MB: variants seen among roughly 807,000 people sequenced by gnomAD.
MB encodes the protein nitrite reductase MB.
MB carries 10 observed loss-of-function variants against 14.5 expected under a neutral mutation model. That is an observed-to-expected ratio of 0.69 (90% CI 0.43 to 1.17). The LOEUF (loss-of-function observed/expected upper bound fraction) is 1.17. MB is among the 50% of genes most tolerant of loss of function. The probability of loss-of-function intolerance (pLI) is 0.00; values close to 1 mark genes in which losing one functional copy is unlikely to be tolerated. For missense variants in MB, 169 were observed against 192.7 expected (o/e 0.88, Z 0.73); for synonymous variants, 89 against 78.6 (o/e 1.13, Z -0.70).
intron 1 of MB, 74 bp downstream of exon 1, chr22:35,617,089 C>A: frequency 8.1e-7 from 1 of 1,230,686 alleles, no homozygotes; most frequent in Non-Finnish European, 1.2e-6. Context: ...CACGTGCAAA[C>A]TTTCCACCTT....
intron 1 of MB, among the ~76,000 whole-genome samples, chr22:35,616,640 G>C (rs1324078779): frequency 1.3e-5 from 2 of 152,110 alleles, no homozygotes; most frequent in East Asian, 3.9e-4. Context: ...TCACTGTACA[G>C]GAGAGGAAAT....
chr22:35,612,636 G>T (rs1009671038), intron 1 of MB, among the ~76,000 whole-genome samples: 2 of 152,108 alleles, frequency 1.3e-5, no homozygotes, highest in African/African-American at 4.8e-5. Flanking sequence ...AAATCCTGAT[G>T]GGGTAGACGC....
upstream of MB, among the ~76,000 whole-genome samples, chr22:35,618,457 A>G (rs1164404199): frequency 6.6e-6 from 1 of 152,168 alleles, no homozygotes; most frequent in African/African-American, 2.4e-5. Flanking sequence ...CAATCCATTC[A>G]GGTATTCAAC....
chr22:35,612,313 G>A (rs1380750300), intron 1 of MB, among the ~76,000 whole-genome samples: 3 of 152,178 alleles, frequency 2.0e-5, no homozygotes, highest in South Asian at 4.1e-4. Context: ...CCTGATCCCC[G>A]TAGTCTCCAT....
Position 35,617,163 on chromosome 22 carries a change from C to T in MB, c.95G>A (p.Arg32Lys). The change falls in exon 1 of 3, where the codon AGG (arginine) becomes AAG (lysine). Residue 32 changes from arginine to lysine, a missense_variant and splice_region_variant. By Grantham distance (26) the Arg-to-Lys change is conservative (BLOSUM62 2). Coordinates refer to ENST00000397326, the MANE Select transcript of MB (RefSeq NM_005368.3). The part of the protein sequence containing the change: ...IPGHGQEVLI[R>K]LFKGHPETLE... ...GGGCAATGGAATCTCTTCCTTTTAC[C>T]TGATGAGGACTTCCTGCCCATGGCC... 6.2e-7 allele frequency: 1 copy of T among 1,612,164 alleles called. No individual in the cohort carries two copies. Among genetic ancestry groups the T allele is most frequent in the East Asian group, 2.2e-5 (1 of 44,872 alleles).
chr22:35,611,175 G>A lies in MB; in HGVS notation c.96-69C>T, dbSNP rs535093024. On this transcript the variant is annotated intron_variant, in intron 1 of 2. Coordinates refer to ENST00000397326, the MANE Select transcript of MB (RefSeq NM_005368.3). ...GTGAGGTCTGGGGGCAGCCAGACTAGAGTTCAAGTTTAGCTCCCTGTCTTC... is the reference window on the plus strand; with the variant it reads ...GTGAGGTCTGGGGGCAGCCAGACTAAAGTTCAAGTTTAGCTCCCTGTCTTC... The A allele has an allele frequency of 2.6e-6, 3 of 1,134,024 alleles. No individual in the cohort carries two copies. In the Admixed American group the frequency reaches 5.3e-5, roughly 20 times the overall value. The allele number at this position is 1,134,024 out of a possible 1,614,324, so 70.2% of individuals were successfully genotyped here. A position where few individuals can be genotyped will look rare whatever the true frequency, so the allele number is the denominator to read the frequency against.
rs1922599948 is a variant in MB at position 35,611,174 on chromosome 22, A to G, written c.96-68T>C. The G allele has an allele frequency of 1.4e-5, 16 of 1,144,862 alleles. No individual in the cohort carries two copies. In the South Asian group the frequency reaches 1.9e-4, roughly 14 times the overall value. The allele number at this position is 1,144,862 out of a possible 1,614,324, so 70.9% of individuals were successfully genotyped here. A position where few individuals can be genotyped will look rare whatever the true frequency, so the allele number is the denominator to read the frequency against. ...TGTGAGGTCTGGGGGCAGCCAGACT[A>G]GAGTTCAAGTTTAGCTCCCTGTCTT... On this transcript the variant is annotated intron_variant, in intron 1 of 2. Transcript: ENST00000397326.
chr22:35,614,759 CAT>C, intron 1 of MB, among the ~76,000 whole-genome samples: 2 of 151,992 alleles, frequency 1.3e-5, no homozygotes, highest in African/African-American at 4.8e-5. Flanking sequence ...TTATCATTAT[CAT>C]CACCATCACC....
chr22:35,618,066 T>C (rs541947827), upstream of MB, among the ~76,000 whole-genome samples: 15 of 152,210 alleles, frequency 9.9e-5, no homozygotes, highest in Non-Finnish European at 1.8e-4. Flanking sequence ...CAGCCAGCAC[T>C]CACAAGAGAC....
chr22:35,615,942 A>G (rs1385289149), intron 1 of MB, among the ~76,000 whole-genome samples: 1 of 152,174 alleles, frequency 6.6e-6, no homozygotes, highest in Non-Finnish European at 1.5e-5. Flanking sequence ...ACGGATCACC[A>G]ACGGCTCAAA....
At chr22:35,613,686 G>T (rs1358130729) in intron 1 of MB, among the ~76,000 whole-genome samples, 1 of 19,442 alleles carries the variant, frequency 5.1e-5, no homozygotes, top group South Asian at 2.5e-3. Flanking sequence ...TTGTAGAGAA[G>T]GGGGGTCTCA....
intron 1 of MB, among the ~76,000 whole-genome samples, chr22:35,612,807 C>G (rs751216410): frequency 1.3e-5 from 2 of 152,182 alleles, no homozygotes; most frequent in African/African-American, 4.8e-5. Context: ...GGACATGTAT[C>G]AACACCTCAC....
In MB at chr22:35,607,384, A is replaced by G. The variant is rs1363842761; in HGVS notation, c.378T>C (p.Ala126=). 1 of 1,614,142 alleles carries G rather than the reference A, an allele frequency of 6.2e-7. No homozygotes were observed. The highest frequency in any genetic ancestry group is 8.5e-7 in the Non-Finnish European group (1 of 1,179,980). ...LQSKHPGDFG[A]DAQGAMNKAL... is the part of the protein sequence containing the mutation. ...CCTTGTTCATGGCCCCCTGGGCATC[A>G]GCACCAAAGTCCCCGGGATGCTTGC... The change falls in exon 3 of 3, where the codon GCT becomes GCC. Residue 126 remains alanine (A), a synonymous_variant. Transcript: ENST00000397326.
intron 1 of MB, among the ~76,000 whole-genome samples, chr22:35,616,806 C>T (rs1358664799): frequency 2.0e-5 from 3 of 152,136 alleles, no homozygotes; most frequent in Admixed American, 2.0e-4. Context: ...AATGTCCTCC[C>T]CTTCTCAGTC....
At chr22:35,620,552 G>A (rs1314823661), upstream of MB, among the ~76,000 whole-genome samples, 1 of 152,194 alleles carries the variant, frequency 6.6e-6, no homozygotes, top group Non-Finnish European at 1.5e-5. Flanking sequence ...ACTCGCTGGA[G>A]GTGAGTCCAG....
rs1459802907 is a variant in MB at position 35,611,002 on chromosome 22, G to A, written c.200C>T (p.Ala67Val). The A allele has an allele frequency of 2.5e-6, 4 of 1,613,968 alleles. No homozygotes were observed. Among genetic ancestry groups the A allele is most frequent in the East Asian group, 4.5e-5 (2 of 44,892 alleles). ...KASEDLKKHG[A>V]TVLTALGGIL... Reference sequence around the variant, plus strand: ...GCCACCCAGGGCGGTGAGCACGGTGGCACCATGCTTCTTTAAGTCCTCAGA... The same window carrying A: ...GCCACCCAGGGCGGTGAGCACGGTGACACCATGCTTCTTTAAGTCCTCAGA... The change falls in exon 2 of 3, where the codon GCC becomes GTC. Residue 67 changes from alanine to valine, a missense_variant. Ala to Val is a moderately conservative substitution (Grantham distance 64). Transcript: ENST00000397326.
upstream of MB, among the ~76,000 whole-genome samples, chr22:35,621,522 G>A (rs1283656597): frequency 1.3e-5 from 2 of 152,178 alleles, no homozygotes; most frequent in Non-Finnish European, 2.9e-5. Context: ...AGTATCTTGT[G>A]ACTAAAAGAG....
At chr22:35,617,404 C>T (rs73405612), upstream of MB, 378 of 620,360 alleles carry the variant, frequency 6.1e-4, 1 homozygote, top group African/African-American at 6.7e-3. Flanking sequence ...GCTCGCTGTC[C>T]CCCTCCCCTG....
At chr22:35,609,146 T>C (rs1008646295) in intron 2 of MB, among the ~76,000 whole-genome samples, 3 of 152,198 alleles carry the variant, frequency 2.0e-5, no homozygotes, top group Non-Finnish European at 4.4e-5. Context: ...TGGAAGTGTA[T>C]GGTGAGCCAA....
Sources: allele counts gnomAD v4.1 joint callset (sites outside exome capture counted in the v4.1 genomes callset), GRCh38; gene constraint gnomAD v4.1.1; transcripts MANE v1.5; gene names NCBI Gene and HGNC (gene_info 2026-07-23, HGNC 2026-07-21).